Variants in CACNA1B observed in about 807,000 individuals in gnomAD.
The protein encoded by CACNA1B is voltage-dependent N-type calcium channel subunit alpha-1B.
CACNA1B carries 70 observed loss-of-function variants against 247.2 expected under a neutral mutation model. That is an observed-to-expected ratio of 0.28 (90% CI 0.23 to 0.35). The LOEUF (loss-of-function observed/expected upper bound fraction) is 0.35. Among genes scored for constraint, CACNA1B ranks in the 10% least tolerant of loss-of-function variants. The pLI is 1.00. For synonymous variants in CACNA1B, 1,231 were observed against 1,294.4 expected (o/e 0.95, Z 1.05); for missense variants, 2,367 against 3,197.4 (o/e 0.74, Z 6.26).
In CACNA1B at chr9:137,975,835, C is replaced by T; in HGVS notation, c.1544-72C>T. ...CTGGGAAGGCCCAGAGGTCTGGTGTCCTCCAGTCTGGGCTGGAGCCAGAGT... is the reference window on the plus strand; with the variant it reads ...CTGGGAAGGCCCAGAGGTCTGGTGTTCTCCAGTCTGGGCTGGAGCCAGAGT... On this transcript the variant is annotated intron_variant, in intron 11 of 46. Transcript: ENST00000371372. 4 of 886,916 alleles carry T rather than the reference C, an allele frequency of 4.5e-6. No individual in the cohort carries two copies. The South Asian group carries it at 5.6e-5, about 12-fold the overall frequency. The allele number at this position is 886,916 out of a possible 1,614,324, so 54.9% of individuals were successfully genotyped here. A position where few individuals can be genotyped will look rare whatever the true frequency, so the allele number is the denominator to read the frequency against.
chr9:137,988,281 G>A (rs1199840935), intron 15 of CACNA1B, among the ~76,000 whole-genome samples: 2 of 152,222 alleles, frequency 1.3e-5, no homozygotes, highest in East Asian at 3.9e-4. Context: ...CAGCAAAAAC[G>A]TGAGGAGTGT....
intron 39 of CACNA1B, among the ~76,000 whole-genome samples, chr9:138,106,679 G>A (rs1239132836): frequency 6.6e-6 from 1 of 152,214 alleles, no homozygotes; most frequent in African/African-American, 2.4e-5. Context: ...GCTGAGGCAG[G>A]CTTGAACCTG....
At chr9:138,111,028 CA>C (rs1253902130) in intron 39 of CACNA1B, among the ~76,000 whole-genome samples, 3 of 150,888 alleles carry the variant, frequency 2.0e-5, no homozygotes, top group African/African-American at 7.3e-5. Flanking sequence ...CTGGAGTTGC[CA>C]AAATGCTTTT....
chr9:138,036,742 G>A (rs537453397), intron 20 of CACNA1B, among the ~76,000 whole-genome samples: 2 of 152,268 alleles, frequency 1.3e-5, no homozygotes, highest in African/African-American at 4.8e-5. Flanking sequence ...AGAAAATGCG[G>A]TGAACTCCTG....
rs773701331 is a variant in CACNA1B, at chr9:138,117,985, G to C, written c.5817G>C (p.Trp1939Cys). The change falls in exon 43 of 47, where the codon TGG becomes TGC. Residue 1939 changes from tryptophan (W) to cysteine (C), a missense_variant. Trp to Cys is a radical substitution (Grantham distance 215). This residue lies in a region of CACNA1B where 773 missense variants were observed against 779.4 expected (regional missense o/e 0.99). Transcript: ENST00000371372. ...QESGIKESVS[W>C]GTQRTQDAPH... ...GTGGCATCAAAGAGTCTGTCTCCTG[G>C]GGCACTCAAAGGACCCAGGATGCAC... 1.3e-6 allele frequency: 2 copies of C among 1,597,024 alleles called. No homozygotes were observed. The highest frequency in any genetic ancestry group is 1.7e-6 in the Non-Finnish European group (2 of 1,170,738).
chr9:138,073,909 C>A lies in CACNA1B; in HGVS notation c.4792-92C>A. On this transcript the variant is annotated intron_variant, in intron 33 of 46. Transcript: ENST00000371372. This position sits in a 1 kb window ranked among gnomAD's most constrained non-coding sequence, Gnocchi z 6.4. ...GGATGGAGCTTGAGTAGGCTGAGGT[C>A]TGTGTGACCTCAAAGGCCCAGCCAC... The A allele has an allele frequency of 1.0e-6, 1 of 980,020 alleles. No homozygotes were observed. Among genetic ancestry groups the A allele is most frequent in the South Asian group, 1.3e-5 (1 of 77,520 alleles). The allele number at this position is 980,020 out of a possible 1,614,324, so 60.7% of individuals were successfully genotyped here. A position where few individuals can be genotyped will look rare whatever the true frequency, so the allele number is the denominator to read the frequency against.
chr9:138,016,727 C>T (rs1475054005), intron 18 of CACNA1B, among the ~76,000 whole-genome samples: 1 of 152,128 alleles, frequency 6.6e-6, no homozygotes, highest in African/African-American at 2.4e-5. Flanking sequence ...TATGCTGCCC[C>T]ATCTTGAGGG....
chr9:138,063,702 C>T (rs1959815343), intron 31 of CACNA1B, among the ~76,000 whole-genome samples: 2 of 152,190 alleles, frequency 1.3e-5, no homozygotes, highest in South Asian at 2.1e-4. Context: ...TACCAAATCT[C>T]CCACAGCAGT....
Position 138,072,924 on chromosome 9 carries a change from T to G in CACNA1B, c.4675-564T>G, listed in dbSNP as rs1043108008. Among the ~76,000 whole-genome samples, 2 of 152,218 alleles carry G rather than the reference T, an allele frequency of 1.3e-5. No individual in the cohort carries two copies. The highest frequency in any genetic ancestry group is 4.8e-5 in the African/African-American group (2 of 41,454). ...ACACCTGTACCTTCCATAACTTGTCTGCACACGCCTGGAGCAGCCTCAGAG... is the reference window on the plus strand; with the variant it reads ...ACACCTGTACCTTCCATAACTTGTCGGCACACGCCTGGAGCAGCCTCAGAG... On this transcript the variant is annotated intron_variant, in intron 32 of 46. Coordinates refer to ENST00000371372, the MANE Select transcript of CACNA1B (RefSeq NM_000718.4). This position sits in a 1 kb window ranked among gnomAD's most constrained non-coding sequence, Gnocchi z 4.5.
Position 138,010,179 on chromosome 9 carries a change from C to A in CACNA1B, c.2160+102C>A. Reference sequence around the variant, plus strand: ...TGGGTTAGGGCCTCGTGTCCAGGAGCGTTGCCTTGGGTCCTGGCGGGCAGA... The same window carrying A: ...TGGGTTAGGGCCTCGTGTCCAGGAGAGTTGCCTTGGGTCCTGGCGGGCAGA... On this transcript the variant is annotated intron_variant, in intron 17 of 46. Transcript: ENST00000371372. This position sits in a 1 kb window ranked among gnomAD's most constrained non-coding sequence, Gnocchi z 5.3. 1 of 900,428 alleles carries A rather than the reference C, an allele frequency of 1.1e-6. No homozygotes were observed. Among genetic ancestry groups the A allele is most frequent in the Non-Finnish European group, 1.8e-6 (1 of 556,220 alleles). 55.8% of individuals were successfully genotyped at this position (900,428 alleles called of 1,614,324 possible).
Position 138,059,226 on chromosome 9 carries a change from C to A in CACNA1B, c.4584+37C>A. On this transcript the variant is annotated intron_variant, in intron 30 of 46. Transcript: ENST00000371372. The surrounding 1 kb of genome is among the most constrained non-coding windows in gnomAD (Gnocchi z 4.2). ...GGTCCCTGCTTTGCCTTTTGACAAC[C>A]TATATTCTGGTTCCCCATCTGTAGG... 7.7e-7 allele frequency: 1 copy of A among 1,292,556 alleles called. No individual in the cohort carries two copies. Among genetic ancestry groups the A allele is most frequent in the South Asian group, 1.2e-5 (1 of 82,478 alleles). The allele number at this position is 1,292,556 out of a possible 1,614,324, so 80.1% of individuals were successfully genotyped here.
chr9:137,893,855 C>T (rs1564877816), intron 3 of CACNA1B, among the ~76,000 whole-genome samples: 2 of 152,160 alleles, frequency 1.3e-5, no homozygotes, highest in South Asian at 4.1e-4. Flanking sequence ...GACACAGGGC[C>T]CAGAACAGCC....
intron 6 of CACNA1B, among the ~76,000 whole-genome samples, chr9:137,936,366 G>T (rs534949820): frequency 6.6e-6 from 1 of 152,258 alleles, no homozygotes; most frequent in South Asian, 2.1e-4. Flanking sequence ...TAAGTTCTTT[G>T]TGCATTCTGG....
chr9:138,061,551 A>G (rs1959724003), intron 31 of CACNA1B, among the ~76,000 whole-genome samples: 1 of 152,228 alleles, frequency 6.6e-6, no homozygotes, highest in Non-Finnish European at 1.5e-5. Flanking sequence ...CTTTAAGGTC[A>G]GGGCAGCGTC....
chr9:138,017,218 C>T (rs7028989), intron 18 of CACNA1B: 120,118 of 518,550 alleles, frequency 0.23, 19,756 homozygotes, highest in East Asian at 0.63. Context: ...CGCTCTGCTA[C>T]GATATTCCAT....
rs1440887333 is a variant in CACNA1B, at chr9:137,954,879, T to TGTGTGTGTGA, written c.1071-818_1071-817insTGTGTGTGAG. Among the ~76,000 whole-genome samples, 5 of 145,194 alleles carry TGTGTGTGTGA rather than the reference T, an allele frequency of 3.4e-5. No individual in the cohort carries two copies. Among genetic ancestry groups the TGTGTGTGTGA allele is most frequent in the African/African-American group, 1.3e-4 (5 of 38,622 alleles). On this transcript the variant is annotated intron_variant, in intron 7 of 46. Transcript: ENST00000371372. This position sits in a 1 kb window ranked among gnomAD's most constrained non-coding sequence, Gnocchi z 4.1. Reference sequence around the variant, plus strand: ...GCTTGTGTGTGTGTGTGTGTGTGTGTGAGAGAGAGAGAGAGAGAGAGAGGG... The same window carrying TGTGTGTGTGA: ...GCTTGTGTGTGTGTGTGTGTGTGTGTGTGTGTGTGAGAGAGAGAGAGAGAGAGAGAGAGGG...
At chr9:137,993,339 C>A (rs12380352) in intron 15 of CACNA1B, among the ~76,000 whole-genome samples, 4 of 82,306 alleles carry the variant, frequency 4.9e-5, no homozygotes, top group Non-Finnish European at 8.5e-5. Flanking sequence ...TTTTGTCTAT[C>A]TAGATTAAAT....
intron 3 of CACNA1B, among the ~76,000 whole-genome samples, chr9:137,904,678 C>A (rs1327420409): frequency 2.0e-5 from 3 of 152,200 alleles, no homozygotes; most frequent in East Asian, 1.9e-4. Context: ...CGCCTCCCCC[C>A]TCCTCCTGCT....
In CACNA1B at chr9:137,899,780, A is replaced by G. The variant is rs571428850; in HGVS notation, c.531-13400A>G. On this transcript the variant is annotated intron_variant, in intron 3 of 46. Coordinates refer to ENST00000371372, the MANE Select transcript of CACNA1B (RefSeq NM_000718.4). This position sits in a 1 kb window ranked among gnomAD's most constrained non-coding sequence, Gnocchi z 5.0. ...CATGTAGAACCAGCCTGAGAGTAGT[A>G]AGCAGTCTCCCTGGACTGGGCCTGA... 1.3e-5 allele frequency among the ~76,000 whole-genome samples: 2 copies of G among 152,228 alleles called. No individual in the cohort carries two copies. Among genetic ancestry groups the G allele is most frequent in the Admixed American group, 1.3e-4 (2 of 15,292 alleles).
Sources: allele counts gnomAD v4.1 joint callset (sites outside exome capture counted in the v4.1 genomes callset), GRCh38; gene constraint gnomAD v4.1.1; regional missense constraint gnomAD v4.1.1; non-coding constraint Gnocchi (gnomAD v3.1); transcripts MANE v1.5; gene names NCBI Gene and HGNC (gene_info 2026-07-23, HGNC 2026-07-21).